The following COG2 variants were observed in gnomAD, a reference collection of about 807,000 sequenced individuals.
COG2 encodes component of oligomeric golgi complex 2.
A neutral mutation model predicts 90.6 loss-of-function variants in COG2; 52 were observed. The ratio of observed to expected loss-of-function variants is 0.57; its 90% CI spans 0.46 to 0.72. The LOEUF is 0.72. Among genes scored for constraint, COG2 ranks in the 30% least tolerant of loss-of-function variants. COG2 has a pLI of 0.00. For synonymous variants in COG2, 337 were observed against 320.4 expected (o/e 1.05, Z -0.55); for missense variants, 829 against 891.2 (o/e 0.93, Z 0.89).
intron 1 of COG2, among the ~76,000 whole-genome samples, chr1:230,645,293 C>T (rs1334968502): frequency 6.7e-6 from 1 of 148,936 alleles, no homozygotes; most frequent in Non-Finnish European, 1.5e-5. Context: ...GGTTGACAAT[C>T]AGTAGATGAA....
rs1661902289 is a variant in COG2 at position 230,650,993 on chromosome 1, AAAC to A, written c.72+8317_72+8319del. On this transcript the variant is annotated intron_variant, in intron 1 of 17. Transcript: ENST00000366669. ...GCCCTTTGTCTTAAAGAATGGTTTGAAACACACAGACATACAGGAGCTTATACT... is the reference window on the plus strand; with the variant it reads ...GCCCTTTGTCTTAAAGAATGGTTTGAACACAGACATACAGGAGCTTATACT... Among the ~76,000 whole-genome samples the A allele has an allele frequency of 3.3e-5, 5 of 152,268 alleles. No homozygotes were observed. In the East Asian group the frequency reaches 9.7e-4, roughly 29 times the overall value.
At chr1:230,669,316 A>G (rs1397851767) in intron 6 of COG2, 40 bp from the exon 7 acceptor site, 1 of 1,577,930 alleles carries the variant, frequency 6.3e-7, no homozygotes, top group African/African-American at 1.4e-5. Flanking sequence ...AAACTGTTAC[A>G]ACTAGAGCTT....
intron 16 of COG2, 51 bp from the exon 17 acceptor site, chr1:230,691,333 G>T (rs748058429): frequency 6.8e-6 from 10 of 1,480,268 alleles, no homozygotes; most frequent in Admixed American, 4.4e-5. Context: ...ACTCTATTTG[G>T]TGTTACACAC....
At chr1:230,688,235 C>A in intron 14 of COG2, 92 bp downstream of exon 14, 1 of 1,196,164 alleles carries the variant, frequency 8.4e-7, no homozygotes, top group Non-Finnish European at 1.2e-6. Context: ...ACATTTTCTT[C>A]TGTAGTTGTA....
At chr1:230,643,083 C>T (rs1237706979) in intron 1 of COG2, 2 of 179,028 alleles carry the variant, frequency 1.1e-5, no homozygotes, top group African/African-American at 4.7e-5. Context: ...TTCCTAGGGA[C>T]TCGGGTCGGA....
Position 230,683,599 on chromosome 1 carries a change from G to A in COG2, c.1192G>A (p.Glu398Lys), listed in dbSNP as rs1662808236. 1.2e-6 allele frequency: 2 copies of A among 1,612,360 alleles called. No individual in the cohort carries two copies. Among genetic ancestry groups the A allele is most frequent in the Non-Finnish European group, 1.7e-6 (2 of 1,178,762 alleles). ...IRFREIAGSL[E>K]AALTDVLEDA... Reference sequence around the variant, plus strand: ...ATTTAGAGAAATAGCGGGATCCTTAGAAGCAGCACTTACAGATGTCCTGGA... The same window carrying A: ...ATTTAGAGAAATAGCGGGATCCTTAAAAGCAGCACTTACAGATGTCCTGGA... The change falls in exon 11 of 18, where the codon GAA becomes AAA. Residue 398 changes from glutamate to lysine, a missense_variant. Glu to Lys is a moderately conservative substitution (Grantham distance 56). Coordinates refer to ENST00000366669, the MANE Select transcript of COG2 (RefSeq NM_007357.3).
In COG2 at chr1:230,657,644, A is replaced by G. The variant is rs187276693; in HGVS notation, c.73-1820A>G. Among the ~76,000 whole-genome samples the G allele has an allele frequency of 1.3e-3, 198 of 152,268 alleles. 1 individual carries two copies. The highest frequency in any genetic ancestry group is 2.9e-5 in the Non-Finnish European group (2 of 68,028). The stretch of plus-strand genomic sequence containing the variant: ...CTAGGTTGGGGAAGTTCTCCCGGAT[A>G]ACATTCTGAATAGTGTTTTCGAACT... On this transcript the variant is annotated intron_variant, in intron 1 of 17. Coordinates refer to ENST00000366669, the MANE Select transcript of COG2 (RefSeq NM_007357.3).
intron 10 of COG2, 30 bp from the exon 11 acceptor site, chr1:230,683,544 C>T (rs766475716): frequency 6.6e-5 from 100 of 1,524,668 alleles, no homozygotes; most frequent in Non-Finnish European, 8.0e-5. Context: ...GAGTCATAAA[C>T]ATTAATTCTT....
intron 1 of COG2, among the ~76,000 whole-genome samples, chr1:230,658,245 G>C (rs1255939698): frequency 1.3e-5 from 2 of 152,056 alleles, no homozygotes; most frequent in African/African-American, 4.8e-5. Context: ...CCTTTGGATG[G>C]AGTCTTTGAG....
At chr1:230,663,778 T>G (rs975421572) in intron 4 of COG2, among the ~76,000 whole-genome samples, 2 of 152,186 alleles carry the variant, frequency 1.3e-5, no homozygotes, top group African/African-American at 4.8e-5. Flanking sequence ...CACTTAACGT[T>G]TATTGGTATA....
At chr1:230,645,390 A>G (rs1182899221) in intron 1 of COG2, among the ~76,000 whole-genome samples, 1 of 152,168 alleles carries the variant, frequency 6.6e-6, no homozygotes, top group Non-Finnish European at 1.5e-5. Flanking sequence ...TGCTGTGGCA[A>G]TCATATCCTT....
chr1:230,683,722 G>GT, intron 11 of COG2, 87 bp downstream of exon 11: 1 of 772,272 alleles, frequency 1.3e-6, no homozygotes, highest in Non-Finnish European at 2.0e-6. Context: ...TATTCTGAGC[G>GT]TACTTTTACT....
chr1:230,646,967 A>G (rs1452610353), intron 1 of COG2, among the ~76,000 whole-genome samples: 1 of 151,916 alleles, frequency 6.6e-6, no homozygotes, highest in Non-Finnish European at 1.5e-5. Context: ...TCTGGCCATT[A>G]TAATCTAGTG....
chr1:230,675,204 C>A (rs1662560108), intron 9 of COG2, 80 bp downstream of exon 9: 1 of 1,477,298 alleles, frequency 6.8e-7, no homozygotes, highest in Non-Finnish European at 9.0e-7. Flanking sequence ...TCTACTTAGT[C>A]TTGGTTCTGT....
chr1:230,690,831 A>G (rs980725230), intron 16 of COG2, among the ~76,000 whole-genome samples: 1 of 152,260 alleles, frequency 6.6e-6, no homozygotes, highest in Non-Finnish European at 1.5e-5. Flanking sequence ...AATGTATTTC[A>G]GATGCCAAGT....
At position 230,673,457 on chromosome 1, in the gene COG2, G is replaced by A. The variant is rs114110595; in HGVS notation, c.900-1541G>A. ...ATAACTGGCAACACCAACAACATTC[G>A]TGATTTCTCCTCCAGAGAATACAGA... On this transcript the variant is annotated intron_variant, in intron 8 of 17. Coordinates refer to ENST00000366669, the MANE Select transcript of COG2 (RefSeq NM_007357.3). 4.8e-3 allele frequency among the ~76,000 whole-genome samples: 727 copies of A among 152,258 alleles called. 4 individuals carry two copies. The highest frequency in any genetic ancestry group is 0.017 in the African/African-American group (687 of 41,544).
chr1:230,674,795 T>C (rs148086771), intron 8 of COG2, among the ~76,000 whole-genome samples: 1 of 152,266 alleles, frequency 6.6e-6, no homozygotes, highest in Non-Finnish European at 1.5e-5. Context: ...TCTAGGAGAT[T>C]TGCCAGGTTT....
chr1:230,657,917 A>G (rs776659535), intron 1 of COG2, among the ~76,000 whole-genome samples: 10 of 152,056 alleles, frequency 6.6e-5, no homozygotes, highest in Non-Finnish European at 8.8e-5. Context: ...CAGCTCCGTC[A>G]GGTCATTTAT....
At chr1:230,690,972 C>T (rs939712822) in intron 16 of COG2, among the ~76,000 whole-genome samples, 1 of 152,034 alleles carries the variant, frequency 6.6e-6, no homozygotes, top group Non-Finnish European at 1.5e-5. Flanking sequence ...ATGAACTGTT[C>T]CTAGAACTGA....
Sources: allele counts gnomAD v4.1 joint callset (sites outside exome capture counted in the v4.1 genomes callset), GRCh38; gene constraint gnomAD v4.1.1; transcripts MANE v1.5; gene names NCBI Gene and HGNC (gene_info 2026-07-23, HGNC 2026-07-21).